The following RASSF3 variants were observed in gnomAD, a reference collection of about 807,000 sequenced individuals.
The protein encoded by RASSF3 is Ras association domain family member 3.
A neutral mutation model predicts 19.9 loss-of-function variants in RASSF3; 19 were observed. The ratio of observed to expected loss-of-function variants is 0.96; its 90% CI spans 0.67 to 1.40. The LOEUF (loss-of-function observed/expected upper bound fraction) is 1.40, where lower values mean the gene tolerates loss of function less well. RASSF3 is among the 40% of genes most tolerant of loss of function. The pLI, the probability that RASSF3 is intolerant of heterozygous loss-of-function variation, is 0.00. For missense variants in RASSF3, 306 were observed against 289.8 expected, an observed-to-expected ratio of 1.06 and a Z score of -0.41; for synonymous variants, 110 against 104.2, an observed-to-expected ratio of 1.06 and a Z score of -0.34.
At chr12:64,619,963 G>C (rs1870690080) in intron 1 of RASSF3, among the ~76,000 whole-genome samples, 1 of 140,714 alleles carries the variant, frequency 7.1e-6, no homozygotes, top group Non-Finnish European at 1.5e-5. Context: ...TTGGGCAACA[G>C]AGTGAGACTT....
At chr12:64,613,486 G>A (rs1269660420) in intron 1 of RASSF3, among the ~76,000 whole-genome samples, 4 of 151,820 alleles carry the variant, frequency 2.6e-5, no homozygotes. Flanking sequence ...GGGAGCGGGT[G>A]GACTGGAAAT....
At chr12:64,609,158 C>T (rs1870248935), upstream of RASSF3, among the ~76,000 whole-genome samples, 1 of 152,124 alleles carries the variant, frequency 6.6e-6, no homozygotes, top group Non-Finnish European at 1.5e-5. Context: ...ACTCTTCCTC[C>T]TGTAGTCCAC....
intron 1 of RASSF3, among the ~76,000 whole-genome samples, chr12:64,644,191 A>G (rs1871646358): frequency 1.3e-5 from 2 of 152,224 alleles, no homozygotes; most frequent in South Asian, 4.1e-4. Flanking sequence ...AGAGTTGTTT[A>G]AGGTAGAGAA....
At chr12:64,660,040 ATGTGTGTGTATGTATATATATATG>A (rs1221261677) in intron 1 of RASSF3, among the ~76,000 whole-genome samples, 22 of 121,484 alleles carry the variant, frequency 1.8e-4, no homozygotes, top group Admixed American at 1.7e-3. Context: ...GTGTATATAT[ATGTGTGTGTATGTATATATATATG>A]TGTGTGTGTA....
chr12:64,579,841 G>A (rs373032352), intron 2 of RASSF3, among the ~76,000 whole-genome samples: 14 of 139,580 alleles, frequency 1.0e-4, no homozygotes, highest in South Asian at 4.5e-4. Context: ...ACAGAGTATC[G>A]CTCTGTTGCC....
intron 1 of RASSF3, among the ~76,000 whole-genome samples, chr12:64,633,548 A>G (rs1302535635): frequency 6.6e-6 from 1 of 152,150 alleles, no homozygotes; most frequent in Non-Finnish European, 1.5e-5. Flanking sequence ...CCAGGAGCAG[A>G]TGTTGGTGCC....
chr12:64,611,936 G>C (rs1870380931), intron 1 of RASSF3, among the ~76,000 whole-genome samples: 1 of 152,188 alleles, frequency 6.6e-6, no homozygotes, highest in South Asian at 2.1e-4. Flanking sequence ...TGAAGGGTAA[G>C]CTGAAGTCAA....
intron 1 of RASSF3, among the ~76,000 whole-genome samples, chr12:64,618,238 C>G (rs562013397): frequency 6.6e-6 from 1 of 152,326 alleles, no homozygotes; most frequent in South Asian, 2.1e-4. Context: ...CCTTAGCCTC[C>G]TGAGTATTCC....
At chr12:64,594,925 T>G (rs1305464914) in intron 2 of RASSF3, among the ~76,000 whole-genome samples, 2 of 151,914 alleles carry the variant, frequency 1.3e-5, no homozygotes, top group African/African-American at 4.8e-5. Flanking sequence ...AATTTCTGTT[T>G]GTGAAGATGT....
chr12:64,605,038 T>C (rs1277050901), intron 2 of RASSF3, among the ~76,000 whole-genome samples: 1 of 152,000 alleles, frequency 6.6e-6, no homozygotes, highest in Middle Eastern at 3.4e-3. Context: ...CAGGCTGTAG[T>C]ACAGTGGTGC....
chr12:64,567,584 G>A (rs749736983), intron 2 of RASSF3, among the ~76,000 whole-genome samples: 8 of 152,210 alleles, frequency 5.3e-5, no homozygotes, highest in Non-Finnish European at 1.0e-4. Context: ...GCCATGAGGT[G>A]GAAGGAGCCT....
intron 2 of RASSF3, among the ~76,000 whole-genome samples, chr12:64,555,522 G>A (rs1322548818): frequency 6.6e-6 from 1 of 152,198 alleles, no homozygotes; most frequent in Non-Finnish European, 1.5e-5. Context: ...GGCCGAGGCA[G>A]GCGGATCATG....
intron 1 of RASSF3, among the ~76,000 whole-genome samples, chr12:64,640,272 G>A (rs1871468995): frequency 6.6e-6 from 1 of 152,096 alleles, no homozygotes; most frequent in African/African-American, 2.4e-5. Context: ...ATAAACATCT[G>A]TTGCCTCCAA....
chr12:64,590,938 T>C (rs1869910116), intron 2 of RASSF3, among the ~76,000 whole-genome samples: 2 of 152,240 alleles, frequency 1.3e-5, no homozygotes, highest in Admixed American at 1.3e-4. Flanking sequence ...ATTATTATTG[T>C]ACTCCGGTTA....
chr12:64,681,236 C>T (rs1367044026), intron 1 of RASSF3, among the ~76,000 whole-genome samples: 1 of 152,194 alleles, frequency 6.6e-6, no homozygotes, highest in Admixed American at 6.5e-5. Context: ...ATGTGCTTAG[C>T]CATTTCCTGT....
rs139901615 is a variant in RASSF3 at position 64,603,368 on chromosome 12, C to T, written c.294+61663C>T. Among the ~76,000 whole-genome samples, 566 of 152,268 alleles carry T rather than the reference C, an allele frequency of 3.7e-3. 6 individuals carry two copies. Among genetic ancestry groups the T allele is most frequent in the African/African-American group, 0.013 (547 of 41,558 alleles). On this transcript the variant is annotated intron_variant, in intron 2 of 5. Coordinates refer to the RASSF3 transcript ENST00000637125. Reference sequence around the variant, plus strand: ...TCACAGTAATGAGGAAATGCAGAAGCCTATGATGAAATTCACTTGGACACA... The same window carrying T: ...TCACAGTAATGAGGAAATGCAGAAGTCTATGATGAAATTCACTTGGACACA...
chr12:64,663,347 T>C (rs1392348226), intron 1 of RASSF3, among the ~76,000 whole-genome samples: 1 of 151,904 alleles, frequency 6.6e-6, no homozygotes, highest in Non-Finnish European at 1.5e-5. Context: ...GGGAAAAGGG[T>C]AAGAAATCTA....
chr12:64,612,689 TG>T (rs1870411892), intron 1 of RASSF3, among the ~76,000 whole-genome samples: 1 of 152,130 alleles, frequency 6.6e-6, no homozygotes. Context: ...TTGGCCAGGC[TG>T]GTCTCGAACT....
At chr12:64,676,319 C>T (rs1019738775) in intron 1 of RASSF3, among the ~76,000 whole-genome samples, 2 of 151,362 alleles carry the variant, frequency 1.3e-5, no homozygotes, top group Non-Finnish European at 2.9e-5. Flanking sequence ...AGGCATGTGC[C>T]ACCACACTGG....
Sources: allele counts gnomAD v4.1 joint callset (sites outside exome capture counted in the v4.1 genomes callset), GRCh38; gene constraint gnomAD v4.1.1; transcripts MANE v1.5; gene names NCBI Gene and HGNC (gene_info 2026-07-23, HGNC 2026-07-21).